Variants in TCF12 observed in about 807,000 individuals in gnomAD.
The protein encoded by TCF12 is DNA-binding protein HTF4.
In TCF12, 45 loss-of-function variants were observed where a neutral mutation model predicts 86.0. The observed-to-expected ratio is 0.52, with a 90% CI of 0.41 to 0.67. TCF12 has a LOEUF of 0.67. Ranked by LOEUF, TCF12 falls within the 30% of genes least tolerant of loss-of-function variation. TCF12 has a pLI of 0.00. For missense variants in TCF12, 881 were observed against 859.9 expected (o/e 1.02, Z -0.31); for synonymous variants, 330 against 299.6 (o/e 1.10, Z -1.05).
intron 3 of TCF12, among the ~76,000 whole-genome samples, chr15:56,981,888 G>C (rs568050570): frequency 6.6e-6 from 1 of 152,250 alleles, no homozygotes; most frequent in East Asian, 1.9e-4. Context: ...TTGTCTTCAT[G>C]CTGAGGAAGA....
intron 4 of TCF12, among the ~76,000 whole-genome samples, chr15:57,064,444 G>T (rs917035363): frequency 3.3e-5 from 5 of 152,096 alleles, no homozygotes; most frequent in African/African-American, 4.8e-5. Context: ...CAAAGAATTG[G>T]AATAAAAGTA....
chr15:56,946,096 G>A (rs1006004593), intron 3 of TCF12, among the ~76,000 whole-genome samples: 2 of 152,068 alleles, frequency 1.3e-5, no homozygotes, highest in Non-Finnish European at 1.5e-5. Flanking sequence ...ACAGACTAAG[G>A]CAAGGTTTCT....
chr15:57,246,389 G>A (rs1200158469), intron 13 of TCF12, among the ~76,000 whole-genome samples: 1 of 152,104 alleles, frequency 6.6e-6, no homozygotes, highest in Non-Finnish European at 1.5e-5. Context: ...CTAAAATGAG[G>A]AGAAACTCTT....
At chr15:57,072,608 G>T in intron 4 of TCF12, 1 of 1,239,840 alleles carries the variant, frequency 8.1e-7, no homozygotes, top group East Asian at 4.9e-5. Flanking sequence ...TAATTAGAAA[G>T]GACACACGAA....
intron 4 of TCF12, among the ~76,000 whole-genome samples, chr15:57,077,327 A>ATGTGTGTG (rs1172206511): frequency 0.011 from 275 of 25,660 alleles, 3 homozygotes; most frequent in Admixed American, 0.014. Context: ...ATGTATATAT[A>ATGTGTGTG]TGTGTGTGTG....
At chr15:57,183,344 C>G (rs1372247920) in intron 6 of TCF12, among the ~76,000 whole-genome samples, 1 of 152,126 alleles carries the variant, frequency 6.6e-6, no homozygotes. Context: ...CACACTTTTG[C>G]TAAATCATTT....
intron 3 of TCF12, among the ~76,000 whole-genome samples, chr15:56,970,354 C>T (rs2062230628): frequency 6.6e-6 from 1 of 151,778 alleles, no homozygotes; most frequent in Non-Finnish European, 1.5e-5. Context: ...GTGGCGCGCA[C>T]CTGTAGTCCC....
At chr15:57,084,460 TAC>T (rs1351758550) in intron 4 of TCF12, among the ~76,000 whole-genome samples, 2 of 152,200 alleles carry the variant, frequency 1.3e-5, no homozygotes, top group African/African-American at 2.4e-5. Flanking sequence ...TCCTGTGACT[TAC>T]AGGATAATAT....
chr15:56,990,131 A>G (rs561808112), intron 3 of TCF12, among the ~76,000 whole-genome samples: 39 of 95,244 alleles, frequency 4.1e-4, no homozygotes, highest in African/African-American at 1.5e-3. Flanking sequence ...GACACCATTT[A>G]TTTTTAGGCA....
chr15:57,179,442 A>G (rs2056183653), intron 6 of TCF12, among the ~76,000 whole-genome samples: 1 of 152,160 alleles, frequency 6.6e-6, no homozygotes, highest in Non-Finnish European at 1.5e-5. Context: ...GAGCAGGAGA[A>G]TTGCTTGAGC....
chr15:57,272,397 C>G (rs2061183727), intron 18 of TCF12, among the ~76,000 whole-genome samples: 1 of 152,222 alleles, frequency 6.6e-6, no homozygotes, highest in South Asian at 2.1e-4. Context: ...ATTATCACCA[C>G]TGATGATAAT....
intron 18 of TCF12, among the ~76,000 whole-genome samples, chr15:57,266,083 T>TTTG (rs2060852082): frequency 3.8e-5 from 5 of 133,000 alleles, no homozygotes; most frequent in South Asian, 2.5e-4. Context: ...TGTTTTTGTT[T>TTTG]TTATTATTTA....
chr15:57,071,999 C>T, intron 4 of TCF12, among the ~76,000 whole-genome samples: 1 of 152,134 alleles, frequency 6.6e-6, no homozygotes, highest in Non-Finnish European at 1.5e-5. Context: ...GTTATCTATT[C>T]TTTGGGAGCC....
At chr15:57,075,806 C>CTTTCTTTCTTTCTTTCTT (rs59769575) in intron 4 of TCF12, among the ~76,000 whole-genome samples, 5 of 68,074 alleles carry the variant, frequency 7.3e-5, no homozygotes, top group Admixed American at 1.5e-4. Flanking sequence ...TTCTTTCTTT[C>CTTTCTTTCTTTCTTTCTT]TCTCTCTCTC....
At chr15:56,972,630 A>G (rs115441773) in intron 3 of TCF12, among the ~76,000 whole-genome samples, 2,619 of 152,286 alleles carry the variant, frequency 0.017, 84 homozygotes, top group African/African-American at 0.056. Flanking sequence ...AGACACAGTT[A>G]GTAGGTTTAG....
intron 5 of TCF12, among the ~76,000 whole-genome samples, chr15:57,151,128 C>A (rs868763381): frequency 2.0e-5 from 3 of 150,994 alleles, no homozygotes; most frequent in Middle Eastern, 6.8e-3. Context: ...CAAGGATGCA[C>A]CATGCCTGGC....
chr15:57,208,380 CTTTTTTT>C (rs1184422578), intron 8 of TCF12, among the ~76,000 whole-genome samples: 2 of 65,616 alleles, frequency 3.0e-5, no homozygotes, highest in African/African-American at 6.7e-5. Flanking sequence ...CAAAAATATC[CTTTTTTT>C]TTTTTTTTTT....
intron 5 of TCF12, among the ~76,000 whole-genome samples, chr15:57,156,293 A>C (rs1418103706): frequency 6.6e-6 from 1 of 152,248 alleles, no homozygotes; most frequent in East Asian, 1.9e-4. Context: ...ATGGGACATT[A>C]AAAGAAATCA....
intron 3 of TCF12, among the ~76,000 whole-genome samples, chr15:57,030,470 C>T (rs558561918): frequency 6.6e-6 from 1 of 152,250 alleles, no homozygotes; most frequent in African/African-American, 2.4e-5. Context: ...AGGCTGTTCT[C>T]AAATTCCTGC....
Sources: gnomAD v4.1 joint callset for allele counts (sites outside exome capture counted in the v4.1 genomes callset) on GRCh38, gnomAD v4.1.1 for gene constraint, MANE v1.5 for transcripts, NCBI Gene and HGNC (gene_info 2026-07-23, HGNC 2026-07-21) for gene names.